Variants in GRM5 observed in about 807,000 individuals in gnomAD.
GRM5 encodes the protein glutamate metabotropic receptor 5.
GRM5 carries 19 observed loss-of-function variants against 83.1 expected under a neutral mutation model. That is an observed-to-expected ratio of 0.23 (90% CI 0.16 to 0.34). The LOEUF is 0.34. Among genes scored for constraint, GRM5 ranks in the 10% least tolerant of loss-of-function variants. The pLI is 1.00. For synonymous variants in GRM5, 675 were observed against 633.6 expected (o/e 1.07, Z -0.98); for missense variants, 1,160 against 1,588.3 (o/e 0.73, Z 4.58).
At chr11:88,621,011 C>T (rs1162221504) in intron 4 of GRM5, among the ~76,000 whole-genome samples, 2 of 152,142 alleles carry the variant, frequency 1.3e-5, no homozygotes, top group East Asian at 3.8e-4. Flanking sequence ...CCATGAACAG[C>T]CAGTTGGCAG....
At chr11:88,646,715 G>A (rs894416487) in intron 4 of GRM5, among the ~76,000 whole-genome samples, 1 of 151,902 alleles carries the variant, frequency 6.6e-6, no homozygotes, top group African/African-American at 2.4e-5. Flanking sequence ...TAAAGGCAGT[G>A]AAGATATATA....
At chr11:88,772,402 A>G (rs1322116810) in intron 3 of GRM5, among the ~76,000 whole-genome samples, 2 of 151,104 alleles carry the variant, frequency 1.3e-5, no homozygotes, top group Admixed American at 6.6e-5. Context: ...TCAATCATGT[A>G]CTTTTTTTAT....
At chr11:88,785,039 C>T (rs1420348149) in intron 3 of GRM5, among the ~76,000 whole-genome samples, 2 of 151,980 alleles carry the variant, frequency 1.3e-5, no homozygotes, top group East Asian at 1.9e-4. Flanking sequence ...ACTATGTTAA[C>T]GAACACACTA....
rs77998140 is a variant in GRM5 at position 88,673,904 on chromosome 11, A to G, written c.912-20501T>C. Among the ~76,000 whole-genome samples the G allele has an allele frequency of 2.8e-5, 4 of 143,714 alleles. No individual in the cohort carries two copies. The East Asian group carries it at 8.1e-4, about 29-fold the overall frequency. The allele number at this position is 143,714 out of a possible 152,430, so 94.3% of individuals were successfully genotyped here. A position where few individuals can be genotyped will look rare whatever the true frequency, so the allele number is the denominator to read the frequency against. On this transcript the variant is annotated intron_variant, in intron 3 of 9. Transcript: ENST00000305447. ...GTGACACTATTTTGAAAAAAAAAAAACAAACATACTCTAGAGTATAATTAC... is the reference window on the plus strand; with the variant it reads ...GTGACACTATTTTGAAAAAAAAAAAGCAAACATACTCTAGAGTATAATTAC...
chr11:89,051,173 G>A (rs953507094), intron 1 of GRM5, among the ~76,000 whole-genome samples: 5 of 151,478 alleles, frequency 3.3e-5, no homozygotes, highest in Admixed American at 3.3e-4. Context: ...GGAGAATGGC[G>A]TGAACCCGAG....
intron 3 of GRM5, among the ~76,000 whole-genome samples, chr11:88,765,232 C>A (rs976545547): frequency 1.3e-5 from 2 of 150,558 alleles, no homozygotes; most frequent in Non-Finnish European, 3.0e-5. Flanking sequence ...AAAAGAAAAA[C>A]CCTGGGAATC....
intron 2 of GRM5, among the ~76,000 whole-genome samples, chr11:89,030,302 A>G (rs1225701757): frequency 6.6e-6 from 1 of 152,086 alleles, no homozygotes; most frequent in Non-Finnish European, 1.5e-5. Context: ...TTTCTTATAC[A>G]ATATATTGTG....
At chr11:88,937,935 C>G (rs1222339616) in intron 2 of GRM5, among the ~76,000 whole-genome samples, 1 of 151,624 alleles carries the variant, frequency 6.6e-6, no homozygotes, top group African/African-American at 2.4e-5. Context: ...CTTTAGATAG[C>G]ACAGTTGAAT....
chr11:88,727,455 A>G (rs1206019425), intron 3 of GRM5, among the ~76,000 whole-genome samples: 1 of 152,212 alleles, frequency 6.6e-6, no homozygotes, highest in East Asian at 1.9e-4. Flanking sequence ...TTAACACTGC[A>G]CTGTCAATAT....
rs749182245 is a variant in GRM5, at chr11:89,047,723, G to C, written c.150C>G (p.Asp50Glu). ...LFSVHHQPTVDKVHERKCGAV... is the reference protein window; with the variant it reads ...LFSVHHQPTVEKVHERKCGAV... ...CCCCACACTTCCTCTCATGAACTTT[G>C]TCCACAGTAGGCTGGTGATGAACAG... The change falls in exon 2 of 10, where the codon GAC becomes GAG. Residue 50 changes from aspartate to glutamate, a missense_variant. By Grantham distance (45) the Asp-to-Glu change is conservative. Transcript: ENST00000305447. The surrounding 1 kb of genome is among the most constrained non-coding windows in gnomAD (Gnocchi z 5.1). 1 of 1,614,034 alleles carries C rather than the reference G, an allele frequency of 6.2e-7. No homozygotes were observed. The highest frequency in any genetic ancestry group is 1.3e-5 in the African/African-American group (1 of 75,000).
chr11:88,647,242 G>A (rs1007594835), intron 4 of GRM5, among the ~76,000 whole-genome samples: 1 of 151,948 alleles, frequency 6.6e-6, no homozygotes, highest in African/African-American at 2.4e-5. Context: ...CTTGCAATGA[G>A]CCTATTTCTA....
At chr11:89,056,820 G>A (rs1301401860) in intron 1 of GRM5, among the ~76,000 whole-genome samples, 1 of 152,122 alleles carries the variant, frequency 6.6e-6, no homozygotes, top group East Asian at 1.9e-4. Context: ...CCTATTTTCA[G>A]AAGTATGCTT....
At chr11:88,881,304 T>A (rs1275215393) in intron 2 of GRM5, among the ~76,000 whole-genome samples, 1 of 151,802 alleles carries the variant, frequency 6.6e-6, no homozygotes, top group Non-Finnish European at 1.5e-5. Context: ...AATGTTACCA[T>A]GCTCAACCAT....
At chr11:88,882,971 C>A (rs563007957) in intron 2 of GRM5, among the ~76,000 whole-genome samples, 4 of 152,130 alleles carry the variant, frequency 2.6e-5, no homozygotes, top group Non-Finnish European at 5.9e-5. Context: ...CCTGCCAACA[C>A]GTAAGACATG....
chr11:88,750,726 G>A (rs1373165080), intron 3 of GRM5, among the ~76,000 whole-genome samples: 1 of 152,032 alleles, frequency 6.6e-6, no homozygotes, highest in Non-Finnish European at 1.5e-5. Context: ...ATAACAAACA[G>A]TCTCTCAGAT....
rs147803104 is a variant in GRM5, at chr11:88,775,298, A to AT, written c.911+74607dup. On this transcript the variant is annotated intron_variant, in intron 3 of 9. Coordinates refer to ENST00000305447, the MANE Select transcript of GRM5 (RefSeq NM_001143831.3). ...GATCAGTGGTGATATCCCCTTTATC[A>AT]TTTTTTATTGCATCTATTTGATTCT... 2.2e-4 allele frequency among the ~76,000 whole-genome samples: 34 copies of AT among 151,414 alleles called. 1 individual carries two copies. The South Asian group carries it at 6.7e-3, about 30-fold the overall frequency.
chr11:88,584,981 G>C (rs1943285339), intron 7 of GRM5, among the ~76,000 whole-genome samples: 1 of 152,172 alleles, frequency 6.6e-6, no homozygotes, highest in African/African-American at 2.4e-5. Flanking sequence ...AACAGCAAGT[G>C]CAGAAAGACT....
At chr11:88,715,044 T>G (rs188018313) in intron 3 of GRM5, among the ~76,000 whole-genome samples, 1 of 152,008 alleles carries the variant, frequency 6.6e-6, no homozygotes, top group Non-Finnish European at 1.5e-5. Flanking sequence ...TTAACATTTA[T>G]TGAACGACTG....
intron 2 of GRM5, among the ~76,000 whole-genome samples, chr11:88,857,711 G>A (rs1944499234): frequency 6.6e-6 from 1 of 152,000 alleles, no homozygotes; most frequent in Admixed American, 6.6e-5. Flanking sequence ...ACTAGACAGT[G>A]TCCTTTAATG....
Sources: allele counts gnomAD v4.1 joint callset (sites outside exome capture counted in the v4.1 genomes callset), GRCh38; gene constraint gnomAD v4.1.1; non-coding constraint Gnocchi (gnomAD v3.1); transcripts MANE v1.5; gene names NCBI Gene and HGNC (gene_info 2026-07-23, HGNC 2026-07-21).